Variants in TENM3 observed in about 807,000 individuals in gnomAD.
The protein encoded by TENM3 is teneurin transmembrane protein 3, also known as teneurin-3.
A neutral mutation model predicts 255.1 loss-of-function variants in TENM3; 63 were observed. The ratio of observed to expected loss-of-function variants is 0.25; its 90% confidence interval spans 0.20 to 0.30. TENM3 has a LOEUF of 0.30. TENM3 is among the 10% of genes least tolerant of loss of function. The pLI is 1.00. For missense variants in TENM3, 2,929 were observed against 3,461.1 expected, an observed-to-expected ratio of 0.85 and a Z score of 3.86; for synonymous variants, 1,306 against 1,322.3, an observed-to-expected ratio of 0.99 and a Z score of 0.27.
intron 1 of TENM3, among the ~76,000 whole-genome samples, chr4:182,203,690 G>C (rs1754354831): frequency 6.6e-6 from 1 of 152,148 alleles, no homozygotes; most frequent in Non-Finnish European, 1.5e-5. Context: ...AGTAGGGAGA[G>C]TTTTGGTGGC....
the TENM3 span, among the ~76,000 whole-genome samples, chr4:181,448,170 T>A: frequency 5.2e-5 from 7 of 133,568 alleles, no homozygotes; most frequent in Non-Finnish European, 6.3e-5. Flanking sequence ...TTTTTTTTTT[T>A]TTTTTTTTTT....
chr4:181,564,434 G>A, the TENM3 span, among the ~76,000 whole-genome samples: 2 of 152,030 alleles, frequency 1.3e-5, no homozygotes, highest in Non-Finnish European at 2.9e-5. Context: ...ATTAAACAAG[G>A]GGCAGAGCAT....
At chr4:182,772,303 G>GC (rs1764309355) in intron 22 of TENM3, among the ~76,000 whole-genome samples, 1 of 151,986 alleles carries the variant, frequency 6.6e-6, no homozygotes, top group South Asian at 2.1e-4. Flanking sequence ...CTCCTGTGTG[G>GC]CCCCGTGTTT....
chr4:181,745,070 G>T, the TENM3 span, among the ~76,000 whole-genome samples: 1 of 152,156 alleles, frequency 6.6e-6, no homozygotes, highest in African/African-American at 2.4e-5. Flanking sequence ...GAGTGATTGT[G>T]AGTAGAGAAG....
At chr4:182,650,881 T>TAAAAA (rs1230977965) in intron 5 of TENM3, among the ~76,000 whole-genome samples, 4 of 60,232 alleles carry the variant, frequency 6.6e-5, no homozygotes, top group South Asian at 6.1e-4. Context: ...TTTTCTGTAA[T>TAAAAA]AAAAAAAAAT....
intron 13 of TENM3, 48 bp downstream of exon 13, chr4:182,714,281 C>CA: frequency 9.7e-7 from 1 of 1,030,306 alleles, no homozygotes; most frequent in South Asian, 1.5e-5. Flanking sequence ...AGCACAGGTT[C>CA]GTAAGTGACA....
chr4:182,614,927 C>T (rs1749331718), intron 4 of TENM3, among the ~76,000 whole-genome samples: 1 of 150,666 alleles, frequency 6.6e-6, no homozygotes, highest in Non-Finnish European at 1.5e-5. Context: ...GAGAGTATGG[C>T]AGGGCGTCCA....
the TENM3 span, among the ~76,000 whole-genome samples, chr4:181,784,665 T>C: frequency 6.6e-6 from 1 of 152,188 alleles, no homozygotes; most frequent in South Asian, 2.1e-4. Context: ...ACGGGAGAAT[T>C]TCCTTTTTCT....
the TENM3 span, among the ~76,000 whole-genome samples, chr4:181,631,295 T>C: frequency 6.7e-6 from 1 of 149,550 alleles, no homozygotes; most frequent in Non-Finnish European, 1.5e-5. Flanking sequence ...AGTTCTTTTT[T>C]GTTTTTTTTT....
the TENM3 span, among the ~76,000 whole-genome samples, chr4:182,003,556 AT>A: frequency 2.6e-5 from 4 of 152,044 alleles, no homozygotes; most frequent in Non-Finnish European, 5.9e-5. Context: ...TAATGATTTG[AT>A]TTTTTTGCAA....
chr4:182,692,116 G>T (rs544220523), intron 12 of TENM3, among the ~76,000 whole-genome samples: 2 of 152,300 alleles, frequency 1.3e-5, no homozygotes, highest in African/African-American at 2.4e-5. Context: ...ATGTAAAAAA[G>T]CTTCAACAGT....
the TENM3 span, among the ~76,000 whole-genome samples, chr4:181,543,426 G>T: frequency 6.6e-6 from 1 of 152,180 alleles, no homozygotes; most frequent in South Asian, 2.1e-4. Context: ...ATGGATTTAA[G>T]AATTGTCTGA....
the TENM3 span, among the ~76,000 whole-genome samples, chr4:181,623,410 C>G: frequency 6.6e-6 from 1 of 152,218 alleles, no homozygotes; most frequent in Non-Finnish European, 1.5e-5. Flanking sequence ...GTGAGCAGGT[C>G]TATCACAGGA....
the TENM3 span, among the ~76,000 whole-genome samples, chr4:181,481,933 T>C: frequency 6.6e-6 from 1 of 152,152 alleles, no homozygotes; most frequent in Non-Finnish European, 1.5e-5. Context: ...GCTAAGTCAT[T>C]GTATGTTTCA....
chr4:181,784,322 G>A, the TENM3 span, among the ~76,000 whole-genome samples: 2 of 151,956 alleles, frequency 1.3e-5, no homozygotes, highest in South Asian at 4.2e-4. Context: ...AAATGAACAT[G>A]TGATTTTATC....
the TENM3 span, among the ~76,000 whole-genome samples, chr4:181,610,614 A>T: frequency 6.6e-6 from 1 of 152,172 alleles, no homozygotes; most frequent in African/African-American, 2.4e-5. Context: ...GAGTGATGTG[A>T]CACAATGACT....
chr4:182,021,284 CTG>C, the TENM3 span, among the ~76,000 whole-genome samples: 1 of 152,142 alleles, frequency 6.6e-6, no homozygotes, highest in Non-Finnish European at 1.5e-5. Context: ...TACATATACA[CTG>C]TATATGTACC....
chr4:181,511,953 G>T, the TENM3 span, among the ~76,000 whole-genome samples: 1 of 152,062 alleles, frequency 6.6e-6, no homozygotes, highest in Non-Finnish European at 1.5e-5. Context: ...CTGTGTTAGG[G>T]TGCCCAGCAT....
At chr4:182,596,433 G>A (rs79064432) in intron 3 of TENM3, among the ~76,000 whole-genome samples, 33 of 149,534 alleles carry the variant, frequency 2.2e-4, no homozygotes, top group East Asian at 5.8e-4. Flanking sequence ...AGGGGAATGC[G>A]AATAGAGCCA....
Sources: allele counts gnomAD v4.1 joint callset (sites outside exome capture counted in the v4.1 genomes callset), GRCh38; gene constraint gnomAD v4.1.1; transcripts MANE v1.5; gene names NCBI Gene and HGNC (gene_info 2026-07-23, HGNC 2026-07-21).